IQCM: variants seen among roughly 807,000 people sequenced by gnomAD.
IQCM encodes the protein IQ domain-containing protein M.
Under a neutral mutation model 57.6 loss-of-function variants are expected in IQCM, and 45 were observed. The ratio of observed to expected loss-of-function variants is 0.78; its 90% CI spans 0.62 to 1.00. IQCM has a LOEUF of 1.00. IQCM is among the 50% of genes least tolerant of loss of function. The pLI is 0.00. For synonymous variants in IQCM, 148 were observed against 158.9 expected (o/e 0.93, Z 0.51); for missense variants, 468 against 511.6 (o/e 0.91, Z 0.82).
chr4:149,516,308 A>G (rs1322032672), intron 12 of IQCM, among the ~76,000 whole-genome samples: 1 of 152,148 alleles, frequency 6.6e-6, no homozygotes, highest in Non-Finnish European at 1.5e-5. Context: ...CCTGCTCACA[A>G]TGCTTCTGCC....
rs763244074 is a variant in IQCM, at chr4:149,719,344, T to TA, written c.385+13899dup. ...GGGCAACAGGAACAAAAGTCAGTCT[T>TA]AAAAAAAAAAAAAAGAAAAAAGAAA... On this transcript the variant is annotated intron_variant, in intron 5 of 13. Transcript: ENST00000636793. Among the ~76,000 whole-genome samples, 897 of 124,302 alleles carry TA rather than the reference T, an allele frequency of 7.2e-3. 7 individuals are homozygous for TA. The highest frequency in any genetic ancestry group is 0.029 in the East Asian group (126 of 4,386). 81.5% of individuals were successfully genotyped at this position (124,302 alleles called of 152,430 possible).
chr4:149,635,709 G>C (rs987856157), intron 7 of IQCM, among the ~76,000 whole-genome samples: 2 of 151,930 alleles, frequency 1.3e-5, no homozygotes, highest in Admixed American at 6.6e-5. Context: ...AGATAAAAAC[G>C]AGAATTACCT....
At chr4:149,705,439 TA>T (rs1764086309) in intron 5 of IQCM, among the ~76,000 whole-genome samples, 2 of 151,516 alleles carry the variant, frequency 1.3e-5, no homozygotes, top group African/African-American at 2.4e-5. Flanking sequence ...GTTGTGGCAT[TA>T]TTTTTTTAAC....
intron 5 of IQCM, among the ~76,000 whole-genome samples, chr4:149,726,460 C>G (rs1765953814): frequency 6.6e-6 from 1 of 152,158 alleles, no homozygotes; most frequent in Admixed American, 6.5e-5. Context: ...TCCCACTCCC[C>G]TGATTTGGCT....
chr4:149,631,506 C>T (rs1757261976), intron 7 of IQCM, among the ~76,000 whole-genome samples: 1 of 152,068 alleles, frequency 6.6e-6, no homozygotes, highest in Non-Finnish European at 1.5e-5. Context: ...TTGACTTATT[C>T]CTCAACAACA....
intron 7 of IQCM, among the ~76,000 whole-genome samples, chr4:149,678,595 C>T (rs191845397): frequency 4.6e-5 from 7 of 151,268 alleles, no homozygotes; most frequent in Admixed American, 2.6e-4. Flanking sequence ...AGTTATAAAA[C>T]CCACTGGTAA....
chr4:149,603,428 T>C (rs1361817146), intron 8 of IQCM, among the ~76,000 whole-genome samples: 4 of 152,200 alleles, frequency 2.6e-5, no homozygotes, highest in South Asian at 2.1e-4. Flanking sequence ...AATTGTTTTA[T>C]AATTTCCTAA....
intron 7 of IQCM, among the ~76,000 whole-genome samples, chr4:149,665,150 G>A (rs1439294751): frequency 1.3e-5 from 2 of 152,156 alleles, no homozygotes; most frequent in African/African-American, 2.4e-5. Flanking sequence ...ACACACTCTG[G>A]TAGTAGGTCC....
intron 13 of IQCM, among the ~76,000 whole-genome samples, chr4:149,418,675 T>C (rs892235054): frequency 2.0e-5 from 3 of 151,986 alleles, no homozygotes; most frequent in Non-Finnish European, 4.4e-5. Flanking sequence ...ATGAAGGATA[T>C]TCAAATAGGA....
rs538996797 is a variant in IQCM, at chr4:149,561,420, T to G, written c.948+2272A>C. ...AGACAGAACTTTAAGGATGTGTGTG[T>G]GTGATCTCCTTAGACTGCCATGATA... On this transcript the variant is annotated intron_variant, in intron 10 of 13. Coordinates refer to ENST00000636793, the MANE Select transcript of IQCM (RefSeq NM_001363507.2). Among the ~76,000 whole-genome samples, 74 of 152,302 alleles carry G rather than the reference T, an allele frequency of 4.9e-4. 1 individual carries two copies. The South Asian group carries it at 0.015, about 32-fold the overall frequency.
chr4:149,622,729 A>G lies in IQCM; in HGVS notation c.566-1485T>C, dbSNP rs981566753. The stretch of plus-strand genomic sequence containing the variant: ...AGGGAGTATAAAAGAGTAACACAAG[A>G]GTTATTAAGATGTATACACCCTTAC... On this transcript the variant is annotated intron_variant, in intron 7 of 13. Coordinates refer to ENST00000636793, the MANE Select transcript of IQCM (RefSeq NM_001363507.2). 2.6e-5 allele frequency among the ~76,000 whole-genome samples: 4 copies of G among 152,116 alleles called. No individual in the cohort carries two copies. In the East Asian group the frequency reaches 7.7e-4, roughly 29 times the overall value.
intron 2 of IQCM, among the ~76,000 whole-genome samples, chr4:149,760,364 A>G (rs1240751657): frequency 6.6e-6 from 1 of 152,176 alleles, no homozygotes; most frequent in African/African-American, 2.4e-5. Flanking sequence ...AAATAAAAGC[A>G]ATTTAGAATA....
At chr4:149,543,774 T>C (rs1369839544) in intron 12 of IQCM, among the ~76,000 whole-genome samples, 2 of 152,184 alleles carry the variant, frequency 1.3e-5, no homozygotes, top group African/African-American at 4.8e-5. Context: ...CAATTGCTAT[T>C]TCTTCAAAAT....
chr4:149,396,298 T>G (rs1024271695), intron 13 of IQCM, among the ~76,000 whole-genome samples: 3 of 151,706 alleles, frequency 2.0e-5, no homozygotes, highest in Non-Finnish European at 4.4e-5. Flanking sequence ...CCATTTGTTT[T>G]GAAAAATAAG....
At chr4:149,362,771 T>C (rs1250773157) in intron 13 of IQCM, among the ~76,000 whole-genome samples, 1 of 152,198 alleles carries the variant, frequency 6.6e-6, no homozygotes, top group African/African-American at 2.4e-5. Flanking sequence ...TGAACTTACG[T>C]TTTGTGTACT....
At chr4:149,782,146 AAAATGATTC>A (rs1771660618) in intron 2 of IQCM, among the ~76,000 whole-genome samples, 2 of 152,302 alleles carry the variant, frequency 1.3e-5, no homozygotes, top group South Asian at 4.1e-4. Context: ...AATTCAGTGG[AAAATGATTC>A]AAGAAAAATT....
intron 5 of IQCM, among the ~76,000 whole-genome samples, chr4:149,712,502 C>G (rs903438212): frequency 6.6e-6 from 1 of 152,132 alleles, no homozygotes; most frequent in Non-Finnish European, 1.5e-5. Flanking sequence ...TACACTTACG[C>G]TCATATATTC....
At chr4:149,355,310 G>A (rs1422119319) in intron 13 of IQCM, among the ~76,000 whole-genome samples, 1 of 151,854 alleles carries the variant, frequency 6.6e-6, no homozygotes, top group Non-Finnish European at 1.5e-5. Flanking sequence ...TGTTACATAT[G>A]TATACATGTG....
intron 5 of IQCM, among the ~76,000 whole-genome samples, chr4:149,729,361 T>C (rs1766245906): frequency 6.6e-6 from 1 of 152,234 alleles, no homozygotes; most frequent in African/African-American, 2.4e-5. Context: ...ATGGTTTCTC[T>C]GGAAATGAAA....
Sources: gnomAD v4.1 joint callset for allele counts (sites outside exome capture counted in the v4.1 genomes callset) on GRCh38, gnomAD v4.1.1 for gene constraint, MANE v1.5 for transcripts, NCBI Gene and HGNC (gene_info 2026-07-23, HGNC 2026-07-21) for gene names.